SPRED2: variants seen among roughly 807,000 people sequenced by gnomAD.
SPRED2 encodes the protein sprouty-related, EVH1 domain-containing protein 2.
A neutral mutation model predicts 43.0 loss-of-function variants in SPRED2; 47 were observed. The observed-to-expected ratio is 1.09, with a 90% CI of 0.87 to 1.40. The LOEUF (loss-of-function observed/expected upper bound fraction) is 1.40, where lower values mean the gene tolerates loss of function less well. Among genes scored for constraint, SPRED2 ranks in the 40% most tolerant of loss-of-function variants. The pLI is 0.00. For synonymous variants in SPRED2, 225 were observed against 225.7 expected (o/e 1.00, Z 0.03); for missense variants, 561 against 586.4 (o/e 0.96, Z 0.45).
At chr2:65,352,759 G>A (rs1379485411) in intron 1 of SPRED2, among the ~76,000 whole-genome samples, 1 of 152,176 alleles carries the variant, frequency 6.6e-6, no homozygotes, top group African/African-American at 2.4e-5. Flanking sequence ...GAGTAGCTGG[G>A]ATTACAGGCG....
chr2:65,332,172 G>A, intron 3 of SPRED2, 121 bp from the exon 4 acceptor site: 1 of 557,874 alleles, frequency 1.8e-6, no homozygotes, highest in Admixed American at 3.6e-5. Context: ...ATTACCAACA[G>A]AAACAAGTTA....
At position 65,344,795 on chromosome 2, in the gene SPRED2, AC is replaced by A; in HGVS notation, c.127del (p.Val43SerfsTer33). 1.9e-6 allele frequency: 3 copies of A among 1,614,036 alleles called. No homozygotes were observed. The highest frequency in any genetic ancestry group is 2.5e-6 in the Non-Finnish European group (3 of 1,179,984). Reference sequence around the variant, plus strand: ...GCCTTCGGGGTGCATGACCTTACAGACCCCGACGCGACTGATCCCGCCTCCT... The same window carrying A: ...GCCTTCGGGGTGCATGACCTTACAGACCCGACGCGACTGATCCCGCCTCCT... ...QEGGGISRVG[V>X]CKVMHPEGNG... On this transcript the variant is annotated frameshift_variant, in exon 2 of 6. Transcript: ENST00000356388. LOFTEE classifies it high-confidence loss of function.
intron 1 of SPRED2, among the ~76,000 whole-genome samples, chr2:65,393,965 T>A (rs1675696838): frequency 6.6e-6 from 1 of 152,144 alleles, no homozygotes; most frequent in Non-Finnish European, 1.5e-5. Flanking sequence ...TGAACCTGGG[T>A]TCCTCATTTC....
intron 1 of SPRED2, among the ~76,000 whole-genome samples, chr2:65,422,736 G>A (rs889473389): frequency 3.3e-5 from 5 of 151,936 alleles, no homozygotes; most frequent in African/African-American, 4.8e-5. Context: ...TAGAATGGAC[G>A]GTAAGGTCTT....
intron 4 of SPRED2, among the ~76,000 whole-genome samples, chr2:65,319,446 C>A (rs1673345911): frequency 6.6e-6 from 1 of 152,168 alleles, no homozygotes; most frequent in African/African-American, 2.4e-5. Context: ...AGAGAAGCCA[C>A]CCTTAGTCCC....
At chr2:65,387,575 T>A (rs1170306997) in intron 1 of SPRED2, among the ~76,000 whole-genome samples, 1 of 152,164 alleles carries the variant, frequency 6.6e-6, no homozygotes, top group Non-Finnish European at 1.5e-5. Flanking sequence ...AGGGCCTACA[T>A]TGGAAAGGTT....
chr2:65,331,885 C>T, intron 4 of SPRED2, 102 bp downstream of exon 4: 2 of 860,220 alleles, frequency 2.3e-6, no homozygotes, highest in Non-Finnish European at 3.7e-6. Flanking sequence ...CAAACAGCAA[C>T]AGCAAACACT....
At chr2:65,384,400 A>G (rs923313918) in intron 1 of SPRED2, among the ~76,000 whole-genome samples, 1 of 152,136 alleles carries the variant, frequency 6.6e-6, no homozygotes, top group African/African-American at 2.4e-5. Context: ...TTACAGTCCC[A>G]TCTCCATAGG....
intron 1 of SPRED2, among the ~76,000 whole-genome samples, chr2:65,402,187 G>A (rs1226384649): frequency 1.4e-5 from 2 of 143,868 alleles, no homozygotes; most frequent in African/African-American, 2.6e-5. Context: ...CCTGAGGCAC[G>A]AGAATCACTT....
chr2:65,359,414 A>C (rs1358595723), intron 1 of SPRED2, among the ~76,000 whole-genome samples: 1 of 146,138 alleles, frequency 6.8e-6, no homozygotes, highest in Non-Finnish European at 1.5e-5. Context: ...GAAGTACTTG[A>C]TTCAGAAAGA....
At chr2:65,368,842 G>A (rs1394819102) in intron 1 of SPRED2, among the ~76,000 whole-genome samples, 1 of 152,178 alleles carries the variant, frequency 6.6e-6, no homozygotes, top group Non-Finnish European at 1.5e-5. Context: ...AACACTTTGG[G>A]AGGCTGAGGT....
chr2:65,395,188 C>T (rs987646722), intron 1 of SPRED2, among the ~76,000 whole-genome samples: 6 of 152,120 alleles, frequency 3.9e-5, no homozygotes, highest in Non-Finnish European at 8.8e-5. Context: ...CTTCTCGCTC[C>T]GTGGCCCCGG....
intron 1 of SPRED2, among the ~76,000 whole-genome samples, chr2:65,426,699 A>G (rs1676566183): frequency 6.6e-6 from 1 of 152,240 alleles, no homozygotes; most frequent in Non-Finnish European, 1.5e-5. Flanking sequence ...GGCTGGGGGC[A>G]TGAGCAGAAT....
intron 1 of SPRED2, among the ~76,000 whole-genome samples, chr2:65,378,540 T>G (rs1042984257): frequency 5.3e-5 from 8 of 152,172 alleles, no homozygotes; most frequent in Admixed American, 1.3e-4. Context: ...CTGTCAATGT[T>G]TCACGGTAAA....
intron 1 of SPRED2, among the ~76,000 whole-genome samples, chr2:65,395,843 G>A (rs1675746450): frequency 6.6e-6 from 1 of 152,118 alleles, no homozygotes; most frequent in Non-Finnish European, 1.5e-5. Context: ...ACCTTCAATT[G>A]CTCCCTGCTG....
chr2:65,335,984 A>G lies in SPRED2; in HGVS notation c.205-1211T>C, dbSNP rs1673955617. On this transcript the variant is annotated intron_variant, in intron 2 of 5. Transcript: ENST00000356388. ...TTTAGACTAAATGAAGGACAAGAGTAAAGACCTGCCTAAATTAGTATACAG... is the reference window on the plus strand; with the variant it reads ...TTTAGACTAAATGAAGGACAAGAGTGAAGACCTGCCTAAATTAGTATACAG... Among the ~76,000 whole-genome samples the G allele has an allele frequency of 2.0e-5, 3 of 152,270 alleles. No individual in the cohort carries two copies. The South Asian group carries it at 6.2e-4, about 32-fold the overall frequency.
intron 1 of SPRED2, among the ~76,000 whole-genome samples, chr2:65,355,840 C>T (rs1456324745): frequency 9.9e-5 from 15 of 152,178 alleles, no homozygotes. Context: ...GTTTCTTCTA[C>T]TTTTTATTCC....
chr2:65,419,323 T>C (rs1182967754), intron 1 of SPRED2, among the ~76,000 whole-genome samples: 2 of 152,132 alleles, frequency 1.3e-5, no homozygotes, highest in South Asian at 2.1e-4. Flanking sequence ...ACATAGTCTG[T>C]AGGTTAGACT....
chr2:65,404,904 C>G (rs1457983389), intron 1 of SPRED2, among the ~76,000 whole-genome samples: 1 of 152,206 alleles, frequency 6.6e-6, no homozygotes, highest in African/African-American at 2.4e-5. Flanking sequence ...CTTTTATGAT[C>G]TAACCTCACT....
Sources: gnomAD v4.1 joint callset for allele counts (sites outside exome capture counted in the v4.1 genomes callset) on GRCh38, gnomAD v4.1.1 for gene constraint, MANE v1.5 for transcripts, NCBI Gene and HGNC (gene_info 2026-07-23, HGNC 2026-07-21) for gene names.